The following ARB2A variants were observed in gnomAD, a reference collection of about 807,000 sequenced individuals.
The protein encoded by ARB2A is cotranscriptional regulator ARB2A.
the ARB2A span, among the ~76,000 whole-genome samples, chr5:93,657,778 GA>G: frequency 6.6e-6 from 1 of 152,062 alleles, no homozygotes; most frequent in South Asian, 2.1e-4. Flanking sequence ...TGTTATATGA[GA>G]AGTCATTGTT....
chr5:93,721,160 G>A, the ARB2A span, among the ~76,000 whole-genome samples: 1 of 152,124 alleles, frequency 6.6e-6, no homozygotes, highest in Non-Finnish European at 1.5e-5. Context: ...TTGTAAAGGG[G>A]GAAGGCAGGA....
the ARB2A span, among the ~76,000 whole-genome samples, chr5:93,921,713 A>T: frequency 6.6e-6 from 1 of 152,194 alleles, no homozygotes; most frequent in Non-Finnish European, 1.5e-5. Flanking sequence ...TATGATCAGG[A>T]CTGTTCTCAT....
the ARB2A span, among the ~76,000 whole-genome samples, chr5:94,039,575 C>G: frequency 1.7e-4 from 26 of 152,168 alleles, no homozygotes; most frequent in Non-Finnish European, 3.4e-4. Flanking sequence ...AATGGGCAAC[C>G]AGCAGCCCTC....
chr5:93,857,701 G>C, the ARB2A span, among the ~76,000 whole-genome samples: 1 of 152,170 alleles, frequency 6.6e-6, no homozygotes, highest in Non-Finnish European at 1.5e-5. Context: ...CCCTTTCTTT[G>C]ACTAGGAAAG....
At chr5:93,644,625 T>A in the ARB2A span, among the ~76,000 whole-genome samples, 9 of 152,214 alleles carry the variant, frequency 5.9e-5, no homozygotes, top group Non-Finnish European at 7.3e-5. Context: ...ATTAAATGTA[T>A]GTTTCCATTA....
the ARB2A span, among the ~76,000 whole-genome samples, chr5:93,974,579 T>C: frequency 6.6e-6 from 1 of 152,086 alleles, no homozygotes; most frequent in Non-Finnish European, 1.5e-5. Flanking sequence ...GAACTTAAAT[T>C]TGACACTTAA....
chr5:93,670,088 TC>T, the ARB2A span, among the ~76,000 whole-genome samples: 1 of 152,016 alleles, frequency 6.6e-6, no homozygotes, highest in Non-Finnish European at 1.5e-5. Flanking sequence ...ATCCTTCCTA[TC>T]CCCTCACTTC....
the ARB2A span, among the ~76,000 whole-genome samples, chr5:93,783,509 ACCACACAGTCCTATGGT>A: frequency 1.3e-5 from 2 of 152,108 alleles, no homozygotes; most frequent in Admixed American, 6.6e-5. Flanking sequence ...GAATTTACCC[ACCACACAGTCCTATGGT>A]GTCAGCTGAA....
At chr5:93,629,625 C>T in the ARB2A span, among the ~76,000 whole-genome samples, 1 of 152,098 alleles carries the variant, frequency 6.6e-6, no homozygotes, top group African/African-American at 2.4e-5. Context: ...TCTTTTATAT[C>T]TTTGTTCCAG....
chr5:93,997,377 G>A, the ARB2A span, among the ~76,000 whole-genome samples: 344 of 152,098 alleles, frequency 2.3e-3, no homozygotes, highest in Non-Finnish European at 3.3e-3. Flanking sequence ...GATGAAAAGC[G>A]TTCAGATGAA....
the ARB2A span, among the ~76,000 whole-genome samples, chr5:93,632,009 T>C: frequency 6.6e-6 from 1 of 152,222 alleles, no homozygotes; most frequent in African/African-American, 2.4e-5. Flanking sequence ...TTTCTCAGAA[T>C]TCCTGTGATT....
At chr5:93,741,147 G>GC in the ARB2A span, 1 of 1,613,794 alleles carries the variant, frequency 6.2e-7, no homozygotes, top group Non-Finnish European at 8.5e-7. Context: ...AGTACCCTAG[G>GC]CTCAACCTCT....
At chr5:93,954,261 C>A in the ARB2A span, among the ~76,000 whole-genome samples, 1 of 152,054 alleles carries the variant, frequency 6.6e-6, no homozygotes, top group African/African-American at 2.4e-5. Context: ...ACATCTCAGT[C>A]TCACCCAAGA....
At chr5:93,859,223 A>G in the ARB2A span, among the ~76,000 whole-genome samples, 2 of 152,222 alleles carry the variant, frequency 1.3e-5, no homozygotes, top group Admixed American at 1.3e-4. Context: ...GCCTATCCAC[A>G]AAATAAGCAT....
the ARB2A span, among the ~76,000 whole-genome samples, chr5:93,765,583 G>A: frequency 5.3e-5 from 8 of 152,130 alleles, no homozygotes; most frequent in African/African-American, 1.7e-4. Context: ...ATGCTCATGG[G>A]TAGGAAGAAT....
chr5:93,957,910 TCTTTTTACAAAAGA>T, the ARB2A span, among the ~76,000 whole-genome samples: 3 of 151,960 alleles, frequency 2.0e-5, no homozygotes, highest in Non-Finnish European at 2.9e-5. Flanking sequence ...TTTACAAAAG[TCTTTTTACAAAAGA>T]CTTTTTACTT....
chr5:93,923,299 A>G, the ARB2A span, among the ~76,000 whole-genome samples: 1 of 152,228 alleles, frequency 6.6e-6, no homozygotes, highest in Non-Finnish European at 1.5e-5. Context: ...ATTCTGGAAA[A>G]CAGCAGGCTA....
At chr5:93,681,213 G>T in the ARB2A span, among the ~76,000 whole-genome samples, 149,736 of 152,232 alleles carry the variant, frequency 0.98, 73,638 homozygotes, top group East Asian at 1. Flanking sequence ...TGGGAAACAC[G>T]AGCTCCAGAC....
At chr5:93,944,607 A>AGAGGG in the ARB2A span, among the ~76,000 whole-genome samples, 6 of 140,456 alleles carry the variant, frequency 4.3e-5, no homozygotes, top group African/African-American at 1.5e-4. Flanking sequence ...AGAGGGCAGG[A>AGAGGG]GAGGGGAGGG....
Sources: gnomAD v4.1 joint callset for allele counts (sites outside exome capture counted in the v4.1 genomes callset) on GRCh38, gnomAD v4.1.1 for gene constraint, MANE v1.5 for transcripts, NCBI Gene and HGNC (gene_info 2026-07-23, HGNC 2026-07-21) for gene names.